Variants in CASKIN1 observed in about 807,000 individuals in gnomAD.
The protein encoded by CASKIN1 is caskin-1.
Under a neutral mutation model 117.5 loss-of-function variants are expected in CASKIN1, and 42 were observed. That is an observed-to-expected ratio of 0.36 (90% confidence interval 0.28 to 0.46). The LOEUF is 0.46. Ranked by LOEUF, CASKIN1 falls within the 20% of genes least tolerant of loss-of-function variation. CASKIN1 has a pLI of 1.00. For synonymous variants in CASKIN1, 1,148 were observed against 961.7 expected (o/e 1.19, Z -3.59); for missense variants, 2,083 against 2,077.3 (o/e 1.00, Z -0.05).
At chr16:2,178,763 C>T (rs1470981969) in intron 19 of CASKIN1, 117 bp from the exon 20 acceptor site, 10 of 1,332,378 alleles carry the variant, frequency 7.5e-6, no homozygotes, top group Admixed American at 3.2e-5. Context: ...GCACGACGAC[C>T]TCGGCGGAGC....
chr16:2,181,001 C>T lies in CASKIN1; in HGVS notation c.2367G>A (p.Gln789=). ...CTGGACCATGAGGTCCCCCAAGGGC[C>T]TGGGGAGAGCCTGGTCGGGTTTTGG... The part of the protein sequence containing the change: ...TPTKTRPGSP[Q]ALGGPHGPAP... Residue 789 remains glutamine (Q), a synonymous_variant, in exon 18 of 20, where the codon CAG becomes CAA. Coordinates refer to ENST00000343516, the MANE Select transcript of CASKIN1 (RefSeq NM_020764.4). 6.7e-7 allele frequency: 1 copy of T among 1,485,306 alleles called. No individual in the cohort carries two copies. The highest frequency in any genetic ancestry group is 8.9e-7 in the Non-Finnish European group (1 of 1,122,374). 92.0% of individuals were successfully genotyped at this position (1,485,306 alleles called of 1,614,324 possible).
intron 3 of CASKIN1, among the ~76,000 whole-genome samples, 165 bp downstream of exon 3, chr16:2,189,908 C>T (rs796462473): frequency 6.6e-6 from 1 of 152,180 alleles, no homozygotes; most frequent in African/African-American, 2.4e-5. Flanking sequence ...GACCCCTCAC[C>T]CCAGCCCCAC....
chr16:2,179,934 G>T lies in CASKIN1; in HGVS notation c.3434C>A (p.Ser1145Tyr), dbSNP rs371943129. 9.3e-6 allele frequency: 15 copies of T among 1,605,898 alleles called. No individual in the cohort carries two copies. The highest frequency in any genetic ancestry group is 1.3e-5 in the Non-Finnish European group (15 of 1,176,864). Reference sequence around the variant, plus strand: ...CTTGGGCCTGCGCTTGACCGTGTCAGACTCGGTCAGGATGAACTTGACGTT... The same window carrying T: ...CTTGGGCCTGCGCTTGACCGTGTCATACTCGGTCAGGATGAACTTGACGTT... ...QENVKFILTE[S>Y]DTVKRRPKAK... Residue 1145 changes from serine to tyrosine, a missense_variant, in exon 18 of 20, where the codon TCT (serine) becomes TAT (tyrosine). Physicochemically the swap from Ser to Tyr is moderately radical, Grantham distance 144. Around this residue, in one of 3 missense-constraint regions of CASKIN1, gnomAD observed 1,818 missense variants for 1,688.9 expected, o/e 1.08. Transcript: ENST00000343516. The surrounding 1 kb of genome is among the most constrained non-coding windows in gnomAD (Gnocchi z 5.8).
intron 14 of CASKIN1, among the ~76,000 whole-genome samples, chr16:2,184,379 G>A (rs1288106674): frequency 2.6e-5 from 4 of 152,200 alleles, no homozygotes; most frequent in East Asian, 1.9e-4. Context: ...CTCCTCCACC[G>A]TGCAGGACTC....
intron 1 of CASKIN1, among the ~76,000 whole-genome samples, chr16:2,195,967 G>C (rs2093214551): frequency 6.7e-6 from 1 of 149,450 alleles, no homozygotes; most frequent in Non-Finnish European, 1.5e-5. Context: ...CGGTGCGTGT[G>C]GTGGGTGGGG....
chr16:2,188,771 AG>A (rs2093192284), intron 6 of CASKIN1: 3 of 478,638 alleles, frequency 6.3e-6, no homozygotes, highest in African/African-American at 2.0e-5. Flanking sequence ...AGTGAGGCTC[AG>A]GGAAGTTCAG....
At position 2,181,261 on chromosome 16, in the gene CASKIN1, T is replaced by A; in HGVS notation, c.2107A>T (p.Met703Leu). The A allele has an allele frequency of 1.2e-6, 2 of 1,600,228 alleles. No homozygotes were observed. The highest frequency in any genetic ancestry group is 1.7e-6 in the Non-Finnish European group (2 of 1,178,762). Residue 703 changes from methionine to leucine, a missense_variant, in exon 18 of 20, where the codon ATG becomes TTG. Transcript: ENST00000343516. ...CCCAGCAGCTCCTGCGAGCTGCTCA[T>A]GTGCCGTGCCCGACCACCCAGGCTG... ...DSSLGGRARH[M>L]SSSQELLGDG... is the part of the protein sequence containing the mutation.
chr16:2,194,217 C>T (rs1451150540), intron 1 of CASKIN1, among the ~76,000 whole-genome samples: 1 of 152,122 alleles, frequency 6.6e-6, no homozygotes, highest in Non-Finnish European at 1.5e-5. Context: ...CATTCTTGGG[C>T]CTGCCTCCAT....
rs2093174771 is a variant in CASKIN1, at chr16:2,183,628, G to A, written c.1629+18C>T. The A allele has an allele frequency of 1.2e-6, 2 of 1,611,520 alleles. No homozygotes were observed. Among genetic ancestry groups the A allele is most frequent in the South Asian group, 1.1e-5 (1 of 91,048 alleles). On this transcript the variant is annotated intron_variant, in intron 16 of 19. Transcript: ENST00000343516. ...CTGCCCGTCCTGGGCCCAGCCCCTG[G>A]GATGCAGGTGGCCTTACGGGTTTGT...
chr16:2,193,011 A>G (rs2093205385), intron 1 of CASKIN1, among the ~76,000 whole-genome samples: 1 of 151,902 alleles, frequency 6.6e-6, no homozygotes, highest in Non-Finnish European at 1.5e-5. Flanking sequence ...GCCATCTCGA[A>G]ATTCTTTTTC....
Position 2,180,235 on chromosome 16 carries a change from C to T in CASKIN1, c.3133G>A (p.Ala1045Thr), listed in dbSNP as rs753770942. 9.7e-5 allele frequency: 150 copies of T among 1,552,012 alleles called. No homozygotes were observed. Among genetic ancestry groups the T allele is most frequent in the Admixed American group, 1.6e-4 (8 of 51,578 alleles). Residue 1045 changes from alanine to threonine, a missense_variant, in exon 18 of 20, where the codon GCC becomes ACC. Physicochemically the swap from Ala to Thr is moderately conservative, Grantham distance 58. This residue lies in a region of CASKIN1 where 1,818 missense variants were observed against 1,688.9 expected (regional missense o/e 1.08). Coordinates refer to ENST00000343516, the MANE Select transcript of CASKIN1 (RefSeq NM_020764.4). ...PEPGRVATVLASVKHKEAIGP... is the reference protein window; with the variant it reads ...PEPGRVATVLTSVKHKEAIGP... ...ATGGCCTCTTTGTGTTTCACTGAGGCCAGCACGGTGGCCACCCGGCCCGGC... is the reference window on the plus strand; with the variant it reads ...ATGGCCTCTTTGTGTTTCACTGAGGTCAGCACGGTGGCCACCCGGCCCGGC...
chr16:2,193,677 G>A (rs1479373260), intron 1 of CASKIN1, among the ~76,000 whole-genome samples: 1 of 152,250 alleles, frequency 6.6e-6, no homozygotes, highest in Non-Finnish European at 1.5e-5. Flanking sequence ...AGTAACATCT[G>A]CCAGTGGGGG....
In CASKIN1 at chr16:2,180,237, A is replaced by G. The variant is rs2093162581; in HGVS notation, c.3131T>C (p.Leu1044Pro). Residue 1044 changes from leucine to proline, a missense_variant, in exon 18 of 20, where the codon CTG (leucine) becomes CCG (proline). Around this residue, in one of 3 missense-constraint regions of CASKIN1, gnomAD observed 1,818 missense variants for 1,688.9 expected, o/e 1.08. Transcript: ENST00000343516. ...GGCCTCTTTGTGTTTCACTGAGGCC[A>G]GCACGGTGGCCACCCGGCCCGGCTC... is the stretch of plus-strand genomic sequence containing the variant. ...SPEPGRVATV[L>P]ASVKHKEAIG... The G allele has an allele frequency of 3.9e-6, 6 of 1,552,596 alleles. No individual in the cohort carries two copies. The highest frequency in any genetic ancestry group is 3.5e-6 in the Non-Finnish European group (4 of 1,149,152).
At position 2,178,658 on chromosome 16, in the gene CASKIN1, G is replaced by A. The variant is rs1195728010; in HGVS notation, c.4200-12C>T. ...CCGCCGCCGAGTCGCTGCGGGGCGC[G>A]GGGCAAGGGGCGTGAGTGGGCGGGG... On this transcript the variant is annotated splice_polypyrimidine_tract_variant and intron_variant, in intron 19 of 19. Transcript: ENST00000343516. The A allele has an allele frequency of 1.9e-6, 3 of 1,581,992 alleles. No individual in the cohort carries two copies. The highest frequency in any genetic ancestry group is 2.3e-5 in the East Asian group (1 of 42,698).
At chr16:2,187,322 T>A (rs1333756066) in intron 7 of CASKIN1, 31 bp downstream of exon 7, 3 of 1,612,546 alleles carry the variant, frequency 1.9e-6, no homozygotes, top group Non-Finnish European at 2.5e-6. Context: ...TACAGTCCAC[T>A]GGGCCCAGCG....
intron 1 of CASKIN1, among the ~76,000 whole-genome samples, chr16:2,192,656 C>T (rs755386531): frequency 2.0e-5 from 3 of 152,188 alleles, no homozygotes; most frequent in Non-Finnish European, 4.4e-5. Context: ...AGGCTGCTCA[C>T]TCAGCATGCC....
intron 6 of CASKIN1, 199 bp downstream of exon 6, chr16:2,188,828 G>T (rs1049933515): frequency 2.9e-6 from 2 of 699,368 alleles, no homozygotes; most frequent in African/African-American, 1.8e-5. Flanking sequence ...GGACAGAGAC[G>T]TCGCAGAAGC....
rs1019060548 is a variant in CASKIN1 at position 2,183,744 on chromosome 16, G to A, written c.1531C>T (p.Leu511Phe). ...GGCTTGGTGACACCAATGGCCGTGA[G>A]GTCCTAGGCAGTGGGGAGGCTTGTC... ...PTISRMTPED[L>F]TAIGVTKPGH... is the part of the protein sequence containing the mutation. The change falls in exon 16 of 20, where the codon CTC becomes TTC. Residue 511 changes from leucine (L) to phenylalanine (F), a missense_variant. By Grantham distance (22) the Leu-to-Phe change is conservative (BLOSUM62 0). Transcript: ENST00000343516. 1 of 1,613,194 alleles carries A rather than the reference G, an allele frequency of 6.2e-7. No individual in the cohort carries two copies. Among genetic ancestry groups the A allele is most frequent in the African/African-American group, 1.3e-5 (1 of 74,954 alleles).
rs368239320 is a variant in CASKIN1 at position 2,187,015 on chromosome 16, A to G, written c.893T>C (p.Leu298Pro). 4.4e-5 allele frequency: 71 copies of G among 1,613,518 alleles called. No individual in the cohort carries two copies. The highest frequency in any genetic ancestry group is 5.5e-5 in the Non-Finnish European group (65 of 1,179,892). ...ATKDYCNNYD[L>P]TSLNVKAGDI... ...CCCTGCCTTCACGTTGAGGCTGGTCAGGTCGTAATTGTTGCAATAATCCTT... is the reference window on the plus strand; with the variant it reads ...CCCTGCCTTCACGTTGAGGCTGGTCGGGTCGTAATTGTTGCAATAATCCTT... The change falls in exon 9 of 20, where the codon CTG becomes CCG. Residue 298 changes from leucine (L) to proline (P), a missense_variant. Around this residue, in one of 3 missense-constraint regions of CASKIN1, gnomAD observed 1,818 missense variants for 1,688.9 expected, o/e 1.08. Transcript: ENST00000343516.
Sources: allele counts gnomAD v4.1 joint callset (sites outside exome capture counted in the v4.1 genomes callset), GRCh38; gene constraint gnomAD v4.1.1; regional missense constraint gnomAD v4.1.1; non-coding constraint Gnocchi (gnomAD v3.1); transcripts MANE v1.5; gene names NCBI Gene and HGNC (gene_info 2026-07-23, HGNC 2026-07-21).